Variants in SERPINB6 observed in about 807,000 individuals in gnomAD.
SERPINB6 encodes the protein serpin family B member 6, also known as serpin B6.
SERPINB6 carries 16 observed loss-of-function variants against 26.1 expected under a neutral mutation model. The ratio of observed to expected loss-of-function variants is 0.61; its 90% CI spans 0.42 to 0.93. The LOEUF (loss-of-function observed/expected upper bound fraction) is 0.93. Among genes scored for constraint, SERPINB6 ranks in the 40% least tolerant of loss-of-function variants. SERPINB6 has a pLI of 0.00. For missense variants in SERPINB6, 420 were observed against 478.0 expected, an observed-to-expected ratio of 0.88 and a Z score of 1.13; for synonymous variants, 174 against 176.6, an observed-to-expected ratio of 0.99 and a Z score of 0.11.
intron 1 of SERPINB6, among the ~76,000 whole-genome samples, chr6:2,962,985 T>C (rs569412991): frequency 1.7e-4 from 26 of 152,296 alleles, no homozygotes; most frequent in African/African-American, 5.8e-4. Flanking sequence ...GTTCAGATAG[T>C]TCTGGCAAAG....
chr6:2,959,235 C>T lies in SERPINB6; in HGVS notation c.98G>A (p.Ser33Asn). 1.9e-6 allele frequency: 3 copies of T among 1,614,196 alleles called. No homozygotes were observed. The highest frequency in any genetic ancestry group is 2.5e-6 in the Non-Finnish European group (3 of 1,180,034). ...NSKNVFFSPMSMSCALAMVYM... is the reference protein window; with the variant it reads ...NSKNVFFSPMNMSCALAMVYM... ...GACCATGGCCAGGGCACAGGACATG[C>T]TCATGGGTGAGAAAAACACATTCTT... is the stretch of plus-strand genomic sequence containing the variant. The change falls in exon 2 of 7, where the codon AGC (serine) becomes AAC (asparagine). Residue 33 changes from serine (S) to asparagine (N), a missense_variant. Physicochemically the swap from Ser to Asn is conservative, Grantham distance 46. Transcript: ENST00000380539.
rs769571207 is a variant in SERPINB6 at position 2,953,205 on chromosome 6, G to A, written c.431-19C>T. On this transcript the variant is annotated intron_variant, in intron 4 of 6. Coordinates refer to ENST00000380539, the MANE Select transcript of SERPINB6 (RefSeq NM_004568.6). ...ATTTTACCTGAGCGGAAGAATTCAA[G>A]ACCGCATTAGATAGGGGCGGCTGCG... 2.5e-6 allele frequency: 4 copies of A among 1,613,994 alleles called. No individual in the cohort carries two copies. Among genetic ancestry groups the A allele is most frequent in the Non-Finnish European group, 3.4e-6 (4 of 1,180,034 alleles).
chr6:2,953,779 C>G (rs188919714), intron 4 of SERPINB6, among the ~76,000 whole-genome samples: 64 of 152,150 alleles, frequency 4.2e-4, no homozygotes, highest in African/African-American at 1.5e-3. Context: ...TGCTGTAATC[C>G]CAGCACTTTG....
intron 1 of SERPINB6, chr6:2,961,876 A>T: frequency 5.1e-6 from 5 of 984,946 alleles, no homozygotes; most frequent in Non-Finnish European, 6.0e-6. Flanking sequence ...TTCCCCTCAA[A>T]TGCTGAAGGA....
chr6:2,970,036 C>G (rs1771987866), intron 1 of SERPINB6: 1 of 967,440 alleles, frequency 1.0e-6, no homozygotes, highest in Admixed American at 6.5e-5. Context: ...GCCGAAATCG[C>G]ACCACTGCAC....
chr6:2,952,016 G>A (rs1432355203), intron 5 of SERPINB6, among the ~76,000 whole-genome samples: 1 of 152,192 alleles, frequency 6.6e-6, no homozygotes, highest in Admixed American at 6.5e-5. Flanking sequence ...TCGCCCCAGT[G>A]CCAGACCAGC....
At chr6:2,953,660 G>C (rs1770081071) in intron 4 of SERPINB6, among the ~76,000 whole-genome samples, 2 of 151,974 alleles carry the variant, frequency 1.3e-5, no homozygotes, top group Non-Finnish European at 2.9e-5. Context: ...GTGAGGCCTT[G>C]TCTCTTAAAA....
chr6:2,948,521 G>A lies in SERPINB6; in HGVS notation c.908C>T (p.Ser303Phe), dbSNP rs924861233. The A allele has an allele frequency of 6.2e-7, 1 of 1,614,168 alleles. No homozygotes were observed. Among genetic ancestry groups the A allele is most frequent in the Non-Finnish European group, 8.5e-7 (1 of 1,180,026 alleles). Residue 303 changes from serine to phenylalanine, a missense_variant, in exon 7 of 7, where the codon TCT (serine) becomes TTT (phenylalanine). Coordinates refer to ENST00000380539, the MANE Select transcript of SERPINB6 (RefSeq NM_004568.6). The surrounding 1 kb of genome is among the most constrained non-coding windows in gnomAD (Gnocchi z 5.0). ...AGACAGGTCTGTCTGGGACATTCCAGAGAAGTCTGCCTTGCCCAGCTCGAA... is the reference window on the plus strand; with the variant it reads ...AGACAGGTCTGTCTGGGACATTCCAAAGAAGTCTGCCTTGCCCAGCTCGAA... Reference protein sequence around the residue: ...DAFELGKADFSGMSQTDLSLS... With the variant: ...DAFELGKADFFGMSQTDLSLS...
At position 2,948,361 on chromosome 6, in the gene SERPINB6, A is replaced by G. The variant is rs1178445265; in HGVS notation, c.1068T>C (p.Leu356=). ...VPRFCADHPF[L]FFIQHSKTNG... ...TGGTCTTGCTGTGCTGGATGAAGAA[A>G]AGGAAGGGGTGGTCGGCGCAGAAGC... Residue 356 remains leucine, a synonymous_variant, in exon 7 of 7, where the codon CTT becomes CTC. Coordinates refer to ENST00000380539, the MANE Select transcript of SERPINB6 (RefSeq NM_004568.6). The surrounding 1 kb of genome is among the most constrained non-coding windows in gnomAD (Gnocchi z 5.0). 1 of 1,613,954 alleles carries G rather than the reference A, an allele frequency of 6.2e-7. No homozygotes were observed. Among genetic ancestry groups the G allele is most frequent in the Non-Finnish European group, 8.5e-7 (1 of 1,180,014 alleles).
At chr6:2,970,871 T>G in intron 1 of SERPINB6, 3 of 1,231,326 alleles carry the variant, frequency 2.4e-6, no homozygotes, top group Non-Finnish European at 3.0e-6. Context: ...AGATCCGGGC[T>G]GGTCCACACG....
chr6:2,958,040 C>T (rs927096714), intron 2 of SERPINB6: 1 of 152,252 alleles, frequency 6.6e-6, no homozygotes, highest in African/African-American at 2.4e-5. Flanking sequence ...CAAATTTACA[C>T]ACTGAAGTCC....
intron 1 of SERPINB6, among the ~76,000 whole-genome samples, chr6:2,965,704 T>A (rs1771561290): frequency 6.6e-6 from 1 of 152,268 alleles, no homozygotes; most frequent in South Asian, 2.1e-4. Context: ...TATTCATTAA[T>A]ATCACAGATT....
In SERPINB6 at chr6:2,948,664, T is replaced by C; in HGVS notation, c.765A>G (p.Glu255=). 6.2e-7 allele frequency: 1 copy of C among 1,614,226 alleles called. No individual in the cohort carries two copies. The highest frequency in any genetic ancestry group is 8.5e-7 in the Non-Finnish European group (1 of 1,180,032). Residue 255 remains glutamate, a synonymous_variant, in exon 7 of 7, where the codon GAA becomes GAG. Coordinates refer to ENST00000380539, the MANE Select transcript of SERPINB6 (RefSeq NM_004568.6). The surrounding 1 kb of genome is among the most constrained non-coding windows in gnomAD (Gnocchi z 5.0). ...EKELTYEKFV[E]WTRLDMMDEE... is the part of the protein sequence containing the mutation. ...CATCCATCATGTCCAGCCTCGTCCA[T>C]TCTACGAACTTCTCGTAAGTGAGTT...
rs369086882 is a variant in SERPINB6 at position 2,952,017 on chromosome 6, C to A, written c.573+1027G>T. Among the ~76,000 whole-genome samples, 13 of 152,334 alleles carry A rather than the reference C, an allele frequency of 8.5e-5. No homozygotes were observed. The South Asian group carries it at 1.9e-3, about 22-fold the overall frequency. On this transcript the variant is annotated intron_variant, in intron 5 of 6. Transcript: ENST00000380539. ...CCTCCCTGGGATCATCGCCCCAGTG[C>A]CAGACCAGCCCAGGTCTCACCTGCC...
At chr6:2,962,009 C>T (rs138294842) in intron 1 of SERPINB6, 16,455 of 985,282 alleles carry the variant, frequency 0.017, 189 homozygotes, top group South Asian at 0.057. Flanking sequence ...TACAGCCATG[C>T]ACCACGCCCA....
At chr6:2,970,928 A>G (rs1772090882) in intron 1 of SERPINB6, 7 of 1,228,988 alleles carry the variant, frequency 5.7e-6, no homozygotes, top group Non-Finnish European at 7.1e-6. Context: ...CGGATTGGCC[A>G]AGCCCAGCAC....
At position 2,963,214 on chromosome 6, in the gene SERPINB6, CA is replaced by C. The variant is rs371341900; in HGVS notation, c.-10-3873del. 3.7e-3 allele frequency among the ~76,000 whole-genome samples: 568 copies of C among 152,140 alleles called. 3 individuals are homozygous for C. Among genetic ancestry groups the C allele is most frequent in the African/African-American group, 0.011 (473 of 41,516 alleles). On this transcript the variant is annotated intron_variant, in intron 1 of 6. Coordinates refer to ENST00000380539, the MANE Select transcript of SERPINB6 (RefSeq NM_004568.6). The stretch of plus-strand genomic sequence containing the variant: ...CAAAGGACATTAACAAATTTACCCC[CA>C]AAAAAGAAAGACAATAGCTAATAAT...
chr6:2,969,998 G>A (rs1401848405), intron 1 of SERPINB6: 3 of 883,988 alleles, frequency 3.4e-6, no homozygotes, highest in Non-Finnish European at 4.1e-6. Flanking sequence ...AGCCAGGTAT[G>A]GAGCCCGGGA....
chr6:2,954,777 A>T, intron 3 of SERPINB6, 68 bp from the exon 4 acceptor site: 1 of 1,007,902 alleles, frequency 9.9e-7, no homozygotes, highest in African/African-American at 1.6e-5. Context: ...CTACTTCTTC[A>T]TTGCACCAAG....
Sources: gnomAD v4.1 joint callset for allele counts (sites outside exome capture counted in the v4.1 genomes callset) on GRCh38, gnomAD v4.1.1 for gene constraint, Gnocchi (gnomAD v3.1) non-coding constraint, MANE v1.5 for transcripts, NCBI Gene and HGNC (gene_info 2026-07-23, HGNC 2026-07-21) for gene names.